MTHFD1L: variants seen among roughly 807,000 people sequenced by gnomAD.
The protein encoded by MTHFD1L is methylenetetrahydrofolate dehydrogenase (NADP+ dependent) 1 like.
MTHFD1L carries 81 observed loss-of-function variants against 119.5 expected under a neutral mutation model. The ratio of observed to expected loss-of-function variants is 0.68; its 90% confidence interval spans 0.57 to 0.82. The LOEUF (loss-of-function observed/expected upper bound fraction) is 0.82, where lower values mean the gene tolerates loss of function less well. Ranked by LOEUF, MTHFD1L falls within the 40% of genes least tolerant of loss-of-function variation. The pLI is 0.00. For synonymous variants in MTHFD1L, 430 were observed against 475.2 expected (o/e 0.90, Z 1.24); for missense variants, 1,125 against 1,253.4 (o/e 0.90, Z 1.55).
At chr6:150,949,192 G>T in intron 16 of MTHFD1L, 59 bp downstream of exon 16, 1 of 1,392,262 alleles carries the variant, frequency 7.2e-7, no homozygotes, top group South Asian at 1.2e-5. Context: ...TGTTCGAGCC[G>T]AAGCGCTTAA....
intron 20 of MTHFD1L, among the ~76,000 whole-genome samples, chr6:150,974,263 G>A (rs897732969): frequency 3.5e-4 from 53 of 152,124 alleles, no homozygotes; most frequent in African/African-American, 1.3e-3. Flanking sequence ...TGAGATCATG[G>A]GGTTGAGTCC....
chr6:151,065,370 A>C (rs899728600), intron 26 of MTHFD1L, among the ~76,000 whole-genome samples: 2 of 152,060 alleles, frequency 1.3e-5, no homozygotes, highest in African/African-American at 4.8e-5. Context: ...TCTCCAGACA[A>C]TGGGGCCTTA....
intron 26 of MTHFD1L, among the ~76,000 whole-genome samples, chr6:151,058,570 A>G (rs955386315): frequency 6.6e-6 from 1 of 152,222 alleles, no homozygotes; most frequent in Non-Finnish European, 1.5e-5. Flanking sequence ...GTGGAGCTGT[A>G]TGGTGAAGAC....
chr6:151,078,542 C>T (rs1443871260), intron 26 of MTHFD1L, among the ~76,000 whole-genome samples: 1 of 152,116 alleles, frequency 6.6e-6, no homozygotes, highest in Admixed American at 6.5e-5. Flanking sequence ...GCCTGGGTTC[C>T]TCATCAAAGC....
intron 24 of MTHFD1L, among the ~76,000 whole-genome samples, chr6:151,026,732 C>T (rs1460853327): frequency 6.6e-6 from 1 of 151,644 alleles, no homozygotes; most frequent in African/African-American, 2.4e-5. Context: ...CTATGTCCCA[C>T]TCAGCCCTGT....
intron 20 of MTHFD1L, among the ~76,000 whole-genome samples, chr6:150,983,174 A>G (rs1310823224): frequency 3.3e-5 from 5 of 152,210 alleles, no homozygotes; most frequent in Admixed American, 3.3e-4. Flanking sequence ...GATTCCGAAT[A>G]CGAATACTTT....
intron 8 of MTHFD1L, among the ~76,000 whole-genome samples, chr6:150,911,839 A>T (rs1786950255): frequency 6.6e-6 from 1 of 152,194 alleles, no homozygotes; most frequent in South Asian, 2.1e-4. Context: ...GAAACCCCTG[A>T]TAAAACCATC....
chr6:150,997,767 T>C (rs1257621901), intron 20 of MTHFD1L, among the ~76,000 whole-genome samples: 4 of 152,068 alleles, frequency 2.6e-5, no homozygotes, highest in Admixed American at 1.3e-4. Context: ...CTCCAGCCTG[T>C]CTCAAAAAAC....
At chr6:150,994,831 C>T (rs1324933794) in intron 20 of MTHFD1L, among the ~76,000 whole-genome samples, 4 of 152,136 alleles carry the variant, frequency 2.6e-5, no homozygotes, top group Admixed American at 2.6e-4. Context: ...AGCATGGCAT[C>T]GTTACATTGC....
At chr6:150,974,646 T>C (rs2044353853) in intron 20 of MTHFD1L, among the ~76,000 whole-genome samples, 1 of 152,102 alleles carries the variant, frequency 6.6e-6, no homozygotes, top group South Asian at 2.1e-4. Context: ...GTATTTGTCC[T>C]TCTGTGACTG....
chr6:150,932,087 G>A (rs1233790844), intron 11 of MTHFD1L, among the ~76,000 whole-genome samples: 3 of 150,706 alleles, frequency 2.0e-5, no homozygotes, highest in Non-Finnish European at 4.4e-5. Context: ...GCTTGAGCCC[G>A]GGAGGTGGAG....
At chr6:151,075,157 C>T (rs999029727) in intron 26 of MTHFD1L, among the ~76,000 whole-genome samples, 4 of 151,750 alleles carry the variant, frequency 2.6e-5, no homozygotes, top group South Asian at 2.1e-4. Context: ...TCAACTATAT[C>T]GATAATCACA....
intron 10 of MTHFD1L, among the ~76,000 whole-genome samples, chr6:150,924,944 G>C (rs1198654292): frequency 2.0e-5 from 3 of 152,170 alleles, no homozygotes; most frequent in African/African-American, 7.2e-5. Context: ...ACTTGAGGGG[G>C]GTAACCTGAA....
rs193259882 is a variant in MTHFD1L, at chr6:151,016,300, G to A, written c.2586+607G>A. ...ACAAGAGCAATTTCGTGAGGATTGG[G>A]AAACCATGGGAGGTATTTTCCTTGT... On this transcript the variant is annotated intron_variant, in intron 24 of 27. Coordinates refer to ENST00000367321, the MANE Select transcript of MTHFD1L (RefSeq NM_015440.5). Among the ~76,000 whole-genome samples the A allele has an allele frequency of 1.2e-3, 184 of 152,062 alleles. 1 individual carries two copies. Among genetic ancestry groups the A allele is most frequent in the Non-Finnish European group, 4.7e-4 (32 of 67,992 alleles).
intron 26 of MTHFD1L, among the ~76,000 whole-genome samples, chr6:151,078,731 G>T (rs946415957): frequency 6.6e-6 from 1 of 152,038 alleles, no homozygotes; most frequent in East Asian, 1.9e-4. Flanking sequence ...GGGGGGATGG[G>T]TTTTCTCTGG....
At chr6:150,933,196 G>C (rs1237723708) in intron 11 of MTHFD1L, among the ~76,000 whole-genome samples, 1 of 152,062 alleles carries the variant, frequency 6.6e-6, no homozygotes, top group Non-Finnish European at 1.5e-5. Flanking sequence ...TCATCTCTGG[G>C]CGTGTCTGCT....
chr6:151,058,752 G>A (rs773284731), intron 26 of MTHFD1L, among the ~76,000 whole-genome samples: 1 of 152,242 alleles, frequency 6.6e-6, no homozygotes, highest in Non-Finnish European at 1.5e-5. Flanking sequence ...GACCCCTGTG[G>A]TATGGACCAA....
chr6:150,926,127 T>C lies in MTHFD1L; in HGVS notation c.1088T>C (p.Ile363Thr), dbSNP rs1003233138. ...LQPLSPVPSD[I>T]EISRGQTPKA... The stretch of plus-strand genomic sequence containing the variant: ...CGTATTGTCTTTCCCCTCAGTGACA[T>C]TGAGATTTCAAGAGGACAAACTCCA... Residue 363 changes from isoleucine to threonine, a missense_variant, in exon 11 of 28, where the codon ATT (isoleucine) becomes ACT (threonine). Physicochemically the swap from Ile to Thr is moderately conservative, Grantham distance 89. Around this residue, in one of 3 missense-constraint regions of MTHFD1L, gnomAD observed 1,058 missense variants for 1,151.2 expected, o/e 0.92. Coordinates refer to ENST00000367321, the MANE Select transcript of MTHFD1L (RefSeq NM_015440.5). The surrounding 1 kb of genome is among the most constrained non-coding windows in gnomAD (Gnocchi z 4.3). 1.2e-6 allele frequency: 2 copies of C among 1,612,942 alleles called. No homozygotes were observed. Among genetic ancestry groups the C allele is most frequent in the Non-Finnish European group, 1.7e-6 (2 of 1,179,116 alleles).
chr6:150,953,875 C>T (rs1018237565), intron 16 of MTHFD1L, among the ~76,000 whole-genome samples: 4 of 152,178 alleles, frequency 2.6e-5, no homozygotes, highest in African/African-American at 9.7e-5. Context: ...ACTTTGCACC[C>T]CATGTACATC....
Sources: gnomAD v4.1 joint callset for allele counts (sites outside exome capture counted in the v4.1 genomes callset) on GRCh38, gnomAD v4.1.1 for gene constraint, gnomAD v4.1.1 regional missense constraint, Gnocchi (gnomAD v3.1) non-coding constraint, MANE v1.5 for transcripts, NCBI Gene and HGNC (gene_info 2026-07-23, HGNC 2026-07-21) for gene names.